GALNT13: variants seen among roughly 807,000 people sequenced by gnomAD.
The protein encoded by GALNT13 is polypeptide N-acetylgalactosaminyltransferase 13.
GALNT13 carries 28 observed loss-of-function variants against 64.2 expected under a neutral mutation model. The observed-to-expected ratio is 0.44, with a 90% CI of 0.32 to 0.60. The LOEUF (loss-of-function observed/expected upper bound fraction) is 0.60, where lower values mean the gene tolerates loss of function less well. GALNT13 is among the 20% of genes least tolerant of loss of function. The probability of loss-of-function intolerance (pLI) is 0.05; values close to 1 mark genes in which losing one functional copy is unlikely to be tolerated. For synonymous variants in GALNT13, 214 were observed against 224.6 expected, an observed-to-expected ratio of 0.95 and a Z score of 0.42; for missense variants, 577 against 669.8, an observed-to-expected ratio of 0.86 and a Z score of 1.53.
the GALNT13 span, among the ~76,000 whole-genome samples, chr2:153,498,213 T>TA: frequency 1.3e-5 from 2 of 152,208 alleles, no homozygotes; most frequent in African/African-American, 2.4e-5. Context: ...ACAACCTTTT[T>TA]AAAAAATCTT....
chr2:153,512,694 T>C, the GALNT13 span, among the ~76,000 whole-genome samples: 1 of 152,184 alleles, frequency 6.6e-6, no homozygotes, highest in Non-Finnish European at 1.5e-5. Context: ...ATATTAAGAG[T>C]ATGCAGTTAA....
chr2:154,235,791 A>G (rs951377547), intron 4 of GALNT13, among the ~76,000 whole-genome samples: 5 of 152,060 alleles, frequency 3.3e-5, no homozygotes, highest in African/African-American at 1.2e-4. Context: ...CTTATAGTCA[A>G]TTTTTATTTC....
the GALNT13 span, among the ~76,000 whole-genome samples, chr2:153,594,934 A>C: frequency 6.6e-6 from 1 of 152,120 alleles, no homozygotes; most frequent in Non-Finnish European, 1.5e-5. Flanking sequence ...ATTTCAGCCA[A>C]CCAATAAGCA....
At chr2:154,252,401 G>A (rs1225256387) in intron 7 of GALNT13, among the ~76,000 whole-genome samples, 1 of 150,846 alleles carries the variant, frequency 6.6e-6, no homozygotes, top group Non-Finnish European at 1.5e-5. Flanking sequence ...TGTCACCCAG[G>A]CTGGAGTTAC....
At chr2:154,335,796 G>A (rs1695411398) in intron 9 of GALNT13, among the ~76,000 whole-genome samples, 1 of 151,986 alleles carries the variant, frequency 6.6e-6, no homozygotes, top group South Asian at 2.1e-4. Context: ...TATTTTTAAA[G>A]TAAATGTTTG....
chr2:153,105,524 G>C, the GALNT13 span, among the ~76,000 whole-genome samples: 1 of 152,126 alleles, frequency 6.6e-6, no homozygotes, highest in Non-Finnish European at 1.5e-5. Flanking sequence ...TCTGGCCAGG[G>C]AAATCAGGCA....
the GALNT13 span, among the ~76,000 whole-genome samples, chr2:153,466,228 C>A: frequency 6.6e-6 from 1 of 151,960 alleles, no homozygotes; most frequent in East Asian, 1.9e-4. Context: ...AGACTTGAAT[C>A]CTCTGTTTAT....
At chr2:153,727,121 T>G in the GALNT13 span, among the ~76,000 whole-genome samples, 1 of 152,150 alleles carries the variant, frequency 6.6e-6, no homozygotes, top group Non-Finnish European at 1.5e-5. Context: ...TTTCAGTTAT[T>G]GGATGTAGAC....
chr2:153,408,271 A>AG, the GALNT13 span, among the ~76,000 whole-genome samples: 6,191 of 152,194 alleles, frequency 0.041, 450 homozygotes, highest in African/African-American at 0.14. Context: ...GGAAGAGTGG[A>AG]GGGGTTGCTT....
intron 3 of GALNT13, among the ~76,000 whole-genome samples, chr2:153,969,194 A>T (rs1181146377): frequency 6.6e-6 from 1 of 152,000 alleles, no homozygotes; most frequent in Non-Finnish European, 1.5e-5. Flanking sequence ...CCATTTTTTG[A>T]GGATTAAAGA....
the GALNT13 span, among the ~76,000 whole-genome samples, chr2:153,614,219 A>G: frequency 6.6e-6 from 1 of 152,000 alleles, no homozygotes; most frequent in Non-Finnish European, 1.5e-5. Flanking sequence ...ATTAATAATA[A>G]TAATCTCATC....
chr2:153,255,907 C>T, the GALNT13 span, among the ~76,000 whole-genome samples: 1 of 152,190 alleles, frequency 6.6e-6, no homozygotes, highest in East Asian at 1.9e-4. Context: ...ACATTTTTTC[C>T]TTCATTTCAA....
the GALNT13 span, among the ~76,000 whole-genome samples, chr2:153,209,133 A>G: frequency 1.5e-3 from 221 of 151,460 alleles, 6 homozygotes; most frequent in East Asian, 0.039. Context: ...GCCTGCCACC[A>G]TGCCCAGCTA....
At chr2:154,273,539 T>C (rs558517552) in intron 8 of GALNT13, among the ~76,000 whole-genome samples, 10 of 152,308 alleles carry the variant, frequency 6.6e-5, no homozygotes, top group Admixed American at 4.6e-4. Flanking sequence ...CACTACATAA[T>C]TGTGTTTTGG....
the GALNT13 span, among the ~76,000 whole-genome samples, chr2:153,201,954 C>T: frequency 1.3e-5 from 2 of 150,692 alleles, no homozygotes; most frequent in Admixed American, 1.3e-4. Flanking sequence ...CACAGGATGG[C>T]CCCTCTCTCC....
At chr2:153,127,540 A>G in the GALNT13 span, among the ~76,000 whole-genome samples, 4 of 69,016 alleles carry the variant, frequency 5.8e-5, no homozygotes, top group Non-Finnish European at 1.6e-4. Context: ...TACTCTTCCG[A>G]GGAACCTGGG....
chr2:154,191,708 G>T (rs1034331674), intron 4 of GALNT13, among the ~76,000 whole-genome samples: 77 of 152,204 alleles, frequency 5.1e-4, no homozygotes, highest in Non-Finnish European at 9.6e-4. Flanking sequence ...CTTCTTCGGT[G>T]CCCCACCACT....
chr2:154,092,109 T>C (rs1701844124), intron 3 of GALNT13, among the ~76,000 whole-genome samples: 1 of 149,056 alleles, frequency 6.7e-6, no homozygotes, highest in African/African-American at 2.5e-5. Context: ...AAAGCTATAA[T>C]TTAGTTGTGT....
chr2:153,948,328 G>C (rs1691922138), intron 3 of GALNT13, among the ~76,000 whole-genome samples: 4 of 151,818 alleles, frequency 2.6e-5, no homozygotes, highest in Admixed American at 2.0e-4. Flanking sequence ...AATCAGAATG[G>C]CTATTACTAA....
Sources: gnomAD v4.1 joint callset for allele counts (sites outside exome capture counted in the v4.1 genomes callset) on GRCh38, gnomAD v4.1.1 for gene constraint, MANE v1.5 for transcripts, NCBI Gene and HGNC (gene_info 2026-07-23, HGNC 2026-07-21) for gene names.